Variants in DAPK3 observed in about 807,000 individuals in gnomAD.
The protein encoded by DAPK3 is death-associated protein kinase 3.
Under a neutral mutation model 30.6 loss-of-function variants are expected in DAPK3, and 24 were observed. The observed-to-expected ratio is 0.78, with a 90% CI of 0.57 to 1.10. The LOEUF is 1.10. Ranked by LOEUF, DAPK3 falls within the 50% of genes least tolerant of loss-of-function variation. DAPK3 has a pLI of 0.00. For synonymous variants in DAPK3, 341 were observed against 284.0 expected (o/e 1.20, Z -2.02); for missense variants, 629 against 657.3 (o/e 0.96, Z 0.47).
chr19:3,968,533 G>A (rs2145343091), intron 2 of DAPK3, among the ~76,000 whole-genome samples: 1 of 152,104 alleles, frequency 6.6e-6, no homozygotes, highest in Non-Finnish European at 1.5e-5. Flanking sequence ...CCAGTCTTAA[G>A]TCATTCCATC....
In DAPK3 at chr19:3,969,668, G is replaced by A. The variant is rs1236192581; in HGVS notation, c.62+6C>T. The A allele has an allele frequency of 1.9e-6, 3 of 1,593,212 alleles. No homozygotes were observed. The highest frequency in any genetic ancestry group is 3.3e-5 in the Admixed American group (2 of 59,970). ...TGGAGCCCAGCCGTGCGGGCAGACA[G>A]CTCACCTGCCCAGCTCCTCCCCCAT... On this transcript the variant is annotated splice_donor_region_variant and intron_variant, in intron 2 of 8. Coordinates refer to ENST00000545797, the MANE Select transcript of DAPK3 (RefSeq NM_001348.3).
chr19:3,960,732 T>C (rs1462708248), intron 7 of DAPK3, among the ~76,000 whole-genome samples: 1 of 133,174 alleles, frequency 7.5e-6, no homozygotes, highest in Non-Finnish European at 1.5e-5. Context: ...TGAGCCGAGA[T>C]CACGCCACTG....
At chr19:3,959,992 C>T (rs1262410168) in intron 8 of DAPK3, 67 bp downstream of exon 8, 4 of 889,806 alleles carry the variant, frequency 4.5e-6, no homozygotes, top group South Asian at 3.9e-5. Flanking sequence ...ATGCTGAAGG[C>T]CCCCCGGGAC....
Position 3,964,335 on chromosome 19 carries a change from G to T in DAPK3, c.462C>A (p.Asn154Lys), listed in dbSNP as rs777206615. ...CGAAGTCGATGAGCTTGATTCGTGGGTTGGGCACGTTCTTGTCCAGCAGCA... is the reference window on the plus strand; with the variant it reads ...CGAAGTCGATGAGCTTGATTCGTGGTTTGGGCACGTTCTTGTCCAGCAGCA... ...NIMLLDKNVP[N>K]PRIKLIDFGI... Residue 154 changes from asparagine (N) to lysine (K), a missense_variant, in exon 4 of 9, where the codon AAC (asparagine) becomes AAA (lysine). Coordinates refer to ENST00000545797, the MANE Select transcript of DAPK3 (RefSeq NM_001348.3). The T allele has an allele frequency of 5.0e-6, 8 of 1,613,194 alleles. No individual in the cohort carries two copies. The highest frequency in any genetic ancestry group is 6.8e-6 in the Non-Finnish European group (8 of 1,179,312).
intron 2 of DAPK3, among the ~76,000 whole-genome samples, chr19:3,966,587 CT>C (rs1248929967): frequency 6.6e-6 from 1 of 152,210 alleles, no homozygotes; most frequent in Non-Finnish European, 1.5e-5. Flanking sequence ...CCACCAGGCA[CT>C]GCGGGTGGCA....
intron 2 of DAPK3, among the ~76,000 whole-genome samples, chr19:3,965,947 C>A (rs748281514): frequency 6.6e-6 from 1 of 152,008 alleles, no homozygotes; most frequent in Non-Finnish European, 1.5e-5. Context: ...CACTACCACA[C>A]CTGATTTATT....
intron 3 of DAPK3, 87 bp from the exon 4 acceptor site, chr19:3,964,460 C>A: frequency 1.0e-6 from 1 of 952,804 alleles, no homozygotes; most frequent in East Asian, 4.3e-5. Context: ...TCACGCTCCC[C>A]GCAACCTCAC....
intron 6 of DAPK3, 74 bp downstream of exon 6, chr19:3,963,569 A>G (rs2145334560): frequency 1.0e-6 from 1 of 963,566 alleles, no homozygotes; most frequent in Non-Finnish European, 1.6e-6. Context: ...CCTGGCGTCC[A>G]CATGAGACAC....
Position 3,958,989 on chromosome 19 carries a change from G to GA in DAPK3, c.*111_*112insT. On this transcript the variant is annotated 3_prime_UTR_variant, in exon 9 of 9. Coordinates refer to ENST00000545797, the MANE Select transcript of DAPK3 (RefSeq NM_001348.3). Reference sequence around the variant, plus strand: ...CCTCCCACTCCGCCTCCAGCCTGGTGGCGCTGGGCAAGGACAGGCACCCGG... The same window carrying GA: ...CCTCCCACTCCGCCTCCAGCCTGGTGAGCGCTGGGCAAGGACAGGCACCCGG... The GA allele has an allele frequency of 1.5e-6, 1 of 687,410 alleles. No individual in the cohort carries two copies. Among genetic ancestry groups the GA allele is most frequent in the Non-Finnish European group, 2.4e-6 (1 of 425,482 alleles). The allele number at this position is 687,410 out of a possible 1,614,324, so 42.6% of individuals were successfully genotyped here.
rs1231593862 is a variant in DAPK3 at position 3,959,141 on chromosome 19, TCCAGGGCGCGCACGAGGTCCTGCA to T, written c.1301_1324del (p.Val434_Leu441del). The T allele has an allele frequency of 1.3e-6, 2 of 1,581,382 alleles. No individual in the cohort carries two copies. The highest frequency in any genetic ancestry group is 1.7e-6 in the Non-Finnish European group (2 of 1,168,324). Reference sequence around the variant, plus strand: ...CTCCACGCCCTGCAGCTTCTCCTGCTCCAGGGCGCGCACGAGGTCCTGCACGAAGCGCATCTCGGAGGCTACTTG... The same window carrying T: ...CTCCACGCCCTGCAGCTTCTCCTGCTCGAAGCGCATCTCGGAGGCTACTTG... On this transcript the variant is annotated inframe_deletion, in exon 9 of 9. Transcript: ENST00000545797.
rs1026095418 is a variant in DAPK3, at chr19:3,958,853, G to A, written c.*248C>T. On this transcript the variant is annotated 3_prime_UTR_variant, in exon 9 of 9. Transcript: ENST00000545797. Reference sequence around the variant, plus strand: ...GGCCACGCTGCCTGGAGGGTCCCAGGGTCACCGACGATGCAGGGGTGAAGG... The same window carrying A: ...GGCCACGCTGCCTGGAGGGTCCCAGAGTCACCGACGATGCAGGGGTGAAGG... 2 of 581,540 alleles carry A rather than the reference G, an allele frequency of 3.4e-6. No individual in the cohort carries two copies. The highest frequency in any genetic ancestry group is 2.9e-5 in the East Asian group (1 of 34,582). The allele number at this position is 581,540 out of a possible 1,614,324, so 36.0% of individuals were successfully genotyped here. A position where few individuals can be genotyped will look rare whatever the true frequency, so the allele number is the denominator to read the frequency against.
At position 3,961,832 on chromosome 19, in the gene DAPK3, G is replaced by A. The variant is rs1011267128; in HGVS notation, c.630-671C>T. On this transcript the variant is annotated intron_variant, in intron 6 of 8. Coordinates refer to ENST00000545797, the MANE Select transcript of DAPK3 (RefSeq NM_001348.3). ...CAGAGAGGACAGGAGTGGAAAACGGGGGTGTCTAACCACCTCTGGCACTTT... is the reference window on the plus strand; with the variant it reads ...CAGAGAGGACAGGAGTGGAAAACGGAGGTGTCTAACCACCTCTGGCACTTT... The A allele has an allele frequency of 2.1e-5, 5 of 239,628 alleles. No individual in the cohort carries two copies. The South Asian group carries it at 2.6e-4, about 13-fold the overall frequency. The allele number at this position is 239,628 out of a possible 1,614,324, so 14.8% of individuals were successfully genotyped here.
chr19:3,958,472 T>C lies in DAPK3; in HGVS notation c.*629A>G, dbSNP rs1319895538. The C allele has an allele frequency of 2.2e-6, 1 of 456,388 alleles. No individual in the cohort carries two copies. The highest frequency in any genetic ancestry group is 4.4e-6 in the Non-Finnish European group (1 of 226,994). 28.3% of individuals were successfully genotyped at this position (456,388 alleles called of 1,614,324 possible). On this transcript the variant is annotated 3_prime_UTR_variant, in exon 9 of 9. Transcript: ENST00000545797. The stretch of plus-strand genomic sequence containing the variant: ...CCCGCGTATCTGGAAGCCAGTATTT[T>C]ATTTCTCTTGGCTGCAGAGGGCCGC...
At chr19:3,966,507 G>A (rs1285059028) in intron 2 of DAPK3, among the ~76,000 whole-genome samples, 4 of 152,172 alleles carry the variant, frequency 2.6e-5, no homozygotes, top group Admixed American at 6.5e-5. Context: ...CCAGGCTCGC[G>A]GCAGGGGCCA....
intron 6 of DAPK3, chr19:3,961,618 G>C (rs1196843561): frequency 1.5e-4 from 65 of 439,392 alleles, no homozygotes; most frequent in South Asian, 9.8e-4. Context: ...TTTGAGCAGA[G>C]ACACTGAAGC....
intron 3 of DAPK3, 80 bp from the exon 4 acceptor site, chr19:3,964,453 C>T (rs2039554029): frequency 1.2e-5 from 12 of 981,562 alleles, no homozygotes; most frequent in Non-Finnish European, 1.6e-5. Flanking sequence ...CTCACCCTCA[C>T]GCTCCCCGCA....
At chr19:3,961,632 G>A (rs1200707874) in intron 6 of DAPK3, 16 of 412,002 alleles carry the variant, frequency 3.9e-5, no homozygotes, top group Non-Finnish European at 5.5e-5. Flanking sequence ...CTGAAGCCCC[G>A]TCTGATCGTC....
chr19:3,970,458 T>C (rs527836521), intron 1 of DAPK3: 1 of 152,644 alleles, frequency 6.6e-6, no homozygotes, highest in East Asian at 1.9e-4. Context: ...TCGGCAGGTC[T>C]CTTAAGACCC....
In DAPK3 at chr19:3,958,945, T is replaced by TA. The variant is rs2039469848; in HGVS notation, c.*155dup. ...CCACACCCACCCCTGCCTGCGAACT[T>TA]ACGGGCCTGGCTCCAGCTCCTCCCA... On this transcript the variant is annotated 3_prime_UTR_variant, in exon 9 of 9. Coordinates refer to ENST00000545797, the MANE Select transcript of DAPK3 (RefSeq NM_001348.3). 5.1e-6 allele frequency: 3 copies of TA among 591,198 alleles called. No homozygotes were observed. Among genetic ancestry groups the TA allele is most frequent in the Non-Finnish European group, 8.9e-6 (3 of 337,820 alleles). The allele number at this position is 591,198 out of a possible 1,614,324, so 36.6% of individuals were successfully genotyped here.
Sources: allele counts gnomAD v4.1 joint callset (sites outside exome capture counted in the v4.1 genomes callset), GRCh38; gene constraint gnomAD v4.1.1; transcripts MANE v1.5; gene names NCBI Gene and HGNC (gene_info 2026-07-23, HGNC 2026-07-21).